The following MADCAM1 variants were observed in gnomAD, a reference collection of about 807,000 sequenced individuals.
MADCAM1 encodes mucosal addressin cell adhesion molecule 1.
Under a neutral mutation model 26.1 loss-of-function variants are expected in MADCAM1, and 19 were observed. The observed-to-expected ratio is 0.73, with a 90% CI of 0.51 to 1.07. The LOEUF (loss-of-function observed/expected upper bound fraction) is 1.07. Among genes scored for constraint, MADCAM1 ranks in the 50% least tolerant of loss-of-function variants. The pLI is 0.00. For synonymous variants in MADCAM1, 268 were observed against 260.9 expected (o/e 1.03, Z -0.26); for missense variants, 514 against 542.1 (o/e 0.95, Z 0.51).
In MADCAM1 at chr19:498,503, G is replaced by A. The variant is rs1305066293; in HGVS notation, c.345G>A (p.Pro115=). The change falls in exon 3 of 5, where the codon CCG becomes CCA. Residue 115 remains proline, a synonymous_variant. Transcript: ENST00000215637. ...HTVQLLVYAF[P]DQLTVSPAAL... ...CCCGACCCTCCATCACAGCCTTCCC[G>A]GACCAGCTGACCGTCTCCCCAGCAG... 1.4e-6 allele frequency: 2 copies of A among 1,463,216 alleles called. No homozygotes were observed. The highest frequency in any genetic ancestry group is 2.7e-5 in the Admixed American group (1 of 36,880). 90.6% of individuals were successfully genotyped at this position (1,463,216 alleles called of 1,614,324 possible).
intron 1 of MADCAM1, among the ~76,000 whole-genome samples, chr19:497,446 G>A (rs1978291213): frequency 6.8e-6 from 1 of 147,400 alleles, no homozygotes; most frequent in Non-Finnish European, 1.5e-5. Context: ...GGGGCTCGGA[G>A]GGGGCGCGGG....
rs1003452780 is a variant in MADCAM1, at chr19:503,244, G to A, written c.928+1315G>A. Among the ~76,000 whole-genome samples the A allele has an allele frequency of 1.1e-4, 16 of 151,858 alleles. No homozygotes were observed. In the South Asian group the frequency reaches 2.5e-3, roughly 24 times the overall value. ...AGAGCTTGCAGTGAGCCGAGATCGC[G>A]CCACTGCACTCCAGCCTGGGGCACA... On this transcript the variant is annotated intron_variant, in intron 4 of 4. Transcript: ENST00000215637.
chr19:500,231 C>G (rs1415856633), intron 3 of MADCAM1: 1 of 455,364 alleles, frequency 2.2e-6, no homozygotes, highest in Admixed American at 2.4e-5. Flanking sequence ...AAAGAGGTGA[C>G]TCTCACCCCT....
chr19:501,031 A>C (rs542442106), intron 3 of MADCAM1, among the ~76,000 whole-genome samples: 1 of 151,972 alleles, frequency 6.6e-6, no homozygotes, highest in East Asian at 1.9e-4. Flanking sequence ...CTACAAAAAA[A>C]TTTAAAAATT....
At position 498,593 on chromosome 19, in the gene MADCAM1, C is replaced by A; in HGVS notation, c.435C>A (p.Asn145Lys). ...ACAAAGTCACGCCCGTGGACCCCAACGCGCTCTCCTTCTCCCTGCTCGTCG... is the reference window on the plus strand; with the variant it reads ...ACAAAGTCACGCCCGTGGACCCCAAAGCGCTCTCCTTCTCCCTGCTCGTCG... The part of the protein sequence containing the change: ...TAHKVTPVDP[N>K]ALSFSLLVGG... Residue 145 changes from asparagine (N) to lysine (K), a missense_variant, in exon 3 of 5, where the codon AAC becomes AAA. Transcript: ENST00000215637. 1 of 1,484,462 alleles carries A rather than the reference C, an allele frequency of 6.7e-7. No homozygotes were observed. The highest frequency in any genetic ancestry group is 8.9e-7 in the Non-Finnish European group (1 of 1,121,704). The allele number at this position is 1,484,462 out of a possible 1,614,324, so 92.0% of individuals were successfully genotyped here. A position where few individuals can be genotyped will look rare whatever the true frequency, so the allele number is the denominator to read the frequency against.
chr19:499,383 T>C, intron 3 of MADCAM1: 1 of 456,076 alleles, frequency 2.2e-6, no homozygotes, highest in Non-Finnish European at 4.4e-6. Context: ...ATCCCCAACG[T>C]GTACAAACAT....
chr19:497,584 A>C (rs1455567383), intron 1 of MADCAM1, among the ~76,000 whole-genome samples: 2 of 148,556 alleles, frequency 1.3e-5, no homozygotes. Context: ...CGGCCCCCTG[A>C]CCCGCAGCGA....
Position 498,755 on chromosome 19 carries a change from GC to G in MADCAM1, c.600del (p.Ala201ProfsTer8). The G allele has an allele frequency of 1.3e-6, 1 of 784,596 alleles. No individual in the cohort carries two copies. 48.6% of individuals were successfully genotyped at this position (784,596 alleles called of 1,614,324 possible). ...TGCCGCCCCTGGGGACCCCTGTCCC[GC>G]CCGCCCTCTACTGCCAGGCCACGAT... ...RLPPLGTPVP[P>X]ALYCQATMRL... On this transcript the variant is annotated frameshift_variant, in exon 3 of 5. Transcript: ENST00000215637. LOFTEE classifies it high-confidence loss of function.
At chr19:502,022 C>A in intron 4 of MADCAM1, 93 bp downstream of exon 4, 1 of 1,307,080 alleles carries the variant, frequency 7.7e-7, no homozygotes. Context: ...TTGCCCTGCC[C>A]AGCCTTGGTT....
intron 3 of MADCAM1, 180 bp downstream of exon 3, chr19:499,005 C>T: frequency 1.0e-6 from 1 of 963,372 alleles, no homozygotes; most frequent in Non-Finnish European, 1.6e-6. Context: ...CACCTGCCCC[C>T]CAGCACAGGT....
chr19:498,358 A>G, intron 2 of MADCAM1, 138 bp from the exon 3 acceptor site: 1 of 1,006,698 alleles, frequency 9.9e-7, no homozygotes, highest in Non-Finnish European at 1.3e-6. Context: ...GCCTGCGCAC[A>G]GGCCGTCCCT....
At chr19:502,089 C>CCCAGCCTCGGTTTCCCCGTCTTT (rs1206286594) in intron 4 of MADCAM1, among the ~76,000 whole-genome samples, 160 bp downstream of exon 4, 14 of 151,256 alleles carry the variant, frequency 9.3e-5, no homozygotes, top group Non-Finnish European at 1.5e-4. Context: ...TCCCCATCTG[C>CCCAGCCTCGGTTTCCCCGTCTTT]CCAGCCTCGG....
chr19:497,883 G>A lies in MADCAM1; in HGVS notation c.103G>A (p.Val35Met), dbSNP rs1978293017. 26 of 1,353,802 alleles carry A rather than the reference G, an allele frequency of 1.9e-5. No individual in the cohort carries two copies. The highest frequency in any genetic ancestry group is 2.3e-5 in the Non-Finnish European group (24 of 1,060,956). 83.9% of individuals were successfully genotyped at this position (1,353,802 alleles called of 1,614,324 possible). ...PLQVEPPEPVVAVALGASRQL... is the reference protein window; with the variant it reads ...PLQVEPPEPVMAVALGASRQL... ...GCAGGTGGAGCCCCCGGAGCCGGTG[G>A]TGGCCGTGGCCTTGGGCGCCTCGCG... Residue 35 changes from valine to methionine, a missense_variant, in exon 2 of 5, where the codon GTG (valine) becomes ATG (methionine). Transcript: ENST00000215637.
At chr19:499,030 GC>G in intron 3 of MADCAM1, 1 of 817,980 alleles carries the variant, frequency 1.2e-6, no homozygotes, top group Non-Finnish European at 2.0e-6. Flanking sequence ...CCCCTCCCCT[GC>G]CCACAGCGCT....
intron 3 of MADCAM1, 55 bp from the exon 4 acceptor site, chr19:501,614 G>A (rs909314607): frequency 2.0e-6 from 3 of 1,531,426 alleles, no homozygotes; most frequent in Middle Eastern, 2.5e-4. Context: ...ATTGAGGCAG[G>A]AGAGGCAAGC....
chr19:503,141 G>C (rs866941875), intron 4 of MADCAM1, among the ~76,000 whole-genome samples: 16 of 152,304 alleles, frequency 1.1e-4, no homozygotes, highest in Middle Eastern at 6.8e-3. Context: ...ATCAAGACGA[G>C]CTTTGAAGAG....
intron 4 of MADCAM1, among the ~76,000 whole-genome samples, chr19:503,304 G>T (rs12611354): frequency 6.2e-5 from 9 of 145,244 alleles, no homozygotes; most frequent in African/African-American, 1.5e-4. Flanking sequence ...AAAATGGGCC[G>T]GGCACGGTGG....
At chr19:500,728 G>T (rs751756252) in intron 3 of MADCAM1, among the ~76,000 whole-genome samples, 1 of 152,160 alleles carries the variant, frequency 6.6e-6, no homozygotes, top group Non-Finnish European at 1.5e-5. Context: ...ATATTAGCCT[G>T]GCGTGGTGGT....
chr19:499,917 CG>C (rs1168944027), intron 3 of MADCAM1: 1 of 435,236 alleles, frequency 2.3e-6, no homozygotes, highest in Non-Finnish European at 4.5e-6. Flanking sequence ...TGTTAATGGA[CG>C]TGAGGTCGTG....
Sources: gnomAD v4.1 joint callset for allele counts (sites outside exome capture counted in the v4.1 genomes callset) on GRCh38, gnomAD v4.1.1 for gene constraint, MANE v1.5 for transcripts, NCBI Gene and HGNC (gene_info 2026-07-23, HGNC 2026-07-21) for gene names.